Variants in GALNT17 observed in about 807,000 individuals in gnomAD.
The protein encoded by GALNT17 is UDP-GalNAc:polypeptide N-acetylgalactosaminyltransferase-like 3.
GALNT17 carries 29 observed loss-of-function variants against 63.7 expected under a neutral mutation model. The ratio of observed to expected loss-of-function variants is 0.46; its 90% CI spans 0.34 to 0.62. GALNT17 has a LOEUF of 0.62. Among genes scored for constraint, GALNT17 ranks in the 20% least tolerant of loss-of-function variants. The pLI, the probability that GALNT17 is intolerant of heterozygous loss-of-function variation, is 0.01. For synonymous variants in GALNT17, 305 were observed against 318.3 expected (o/e 0.96, Z 0.45); for missense variants, 603 against 799.6 (o/e 0.75, Z 2.97).
intron 2 of GALNT17, among the ~76,000 whole-genome samples, chr7:71,367,258 A>C (rs1334475818): frequency 2.0e-5 from 3 of 152,210 alleles, no homozygotes; most frequent in Non-Finnish European, 2.9e-5. Context: ...TCTTTGTAAA[A>C]CATCAGTAGG....
intron 6 of GALNT17, among the ~76,000 whole-genome samples, chr7:71,598,645 A>C (rs1020870552): frequency 1.3e-5 from 2 of 152,198 alleles, no homozygotes; most frequent in Admixed American, 1.3e-4. Flanking sequence ...ATATTCTAAC[A>C]TGGACTTGAG....
chr7:71,293,330 A>G (rs985294397), intron 1 of GALNT17, among the ~76,000 whole-genome samples: 3 of 152,290 alleles, frequency 2.0e-5, no homozygotes, highest in African/African-American at 7.2e-5. Flanking sequence ...TGCAGTGTAC[A>G]GGGTTTCCCT....
In GALNT17 at chr7:71,489,700, C is replaced by T. The variant is rs181698102; in HGVS notation, c.962+68595C>T. On this transcript the variant is annotated intron_variant, in intron 5 of 10. Coordinates refer to ENST00000333538, the MANE Select transcript of GALNT17 (RefSeq NM_022479.3). ...ACATACAGGGGAGAGAGTCCATTGG[C>T]GGCGGGCTGGGCAGGAAAACTGCAA... 3.9e-5 allele frequency among the ~76,000 whole-genome samples: 6 copies of T among 152,322 alleles called. No homozygotes were observed. The East Asian group carries it at 9.6e-4, about 24-fold the overall frequency.
At chr7:71,297,241 A>G (rs1210199911) in intron 1 of GALNT17, among the ~76,000 whole-genome samples, 1 of 152,020 alleles carries the variant, frequency 6.6e-6, no homozygotes, top group African/African-American at 2.4e-5. Flanking sequence ...AGCTGATCTC[A>G]TACACCAAAA....
chr7:71,631,277 C>T (rs1016366217), intron 6 of GALNT17, among the ~76,000 whole-genome samples: 6 of 151,576 alleles, frequency 4.0e-5, no homozygotes, highest in Admixed American at 6.6e-5. Context: ...ACTGTAGCCT[C>T]AACCTCCTGG....
chr7:71,257,423 A>G (rs1790308569), intron 1 of GALNT17, among the ~76,000 whole-genome samples: 1 of 152,164 alleles, frequency 6.6e-6, no homozygotes, highest in Non-Finnish European at 1.5e-5. Context: ...TCCAAAGATG[A>G]GTGTACTTTC....
At chr7:71,490,824 C>G (rs1471679848) in intron 5 of GALNT17, among the ~76,000 whole-genome samples, 1 of 152,142 alleles carries the variant, frequency 6.6e-6, no homozygotes, top group Admixed American at 6.5e-5. Flanking sequence ...CTCTTGAGCC[C>G]AGGAGTTCGA....
At chr7:71,421,786 C>A (rs1786669182) in intron 5 of GALNT17, among the ~76,000 whole-genome samples, 1 of 152,026 alleles carries the variant, frequency 6.6e-6, no homozygotes, top group South Asian at 2.1e-4. Context: ...CCCTTCTCTA[C>A]TAAAATTTAA....
chr7:71,639,492 C>CT (rs1277086528), intron 6 of GALNT17, among the ~76,000 whole-genome samples: 1 of 152,180 alleles, frequency 6.6e-6, no homozygotes. Flanking sequence ...TCTATTTTGC[C>CT]TTCAGAGGTT....
chr7:71,388,443 A>AG, intron 3 of GALNT17, 42 bp downstream of exon 3: 1 of 1,581,070 alleles, frequency 6.3e-7, no homozygotes, highest in South Asian at 1.1e-5. Context: ...TGATGACAGC[A>AG]GGGGGAAATG....
intron 5 of GALNT17, among the ~76,000 whole-genome samples, chr7:71,535,213 G>A (rs1052260151): frequency 3.9e-5 from 6 of 152,210 alleles, no homozygotes; most frequent in Non-Finnish European, 8.8e-5. Context: ...CCCATTGACC[G>A]TGGTTACTAT....
Position 71,207,871 on chromosome 7 carries a change from A to C in GALNT17, c.238+74831A>C, listed in dbSNP as rs551751585. ...TGTTTTGGGATTTGTCATGGGTACAACATTTAGAGCCACTGATGTATACAA... is the reference window on the plus strand; with the variant it reads ...TGTTTTGGGATTTGTCATGGGTACACCATTTAGAGCCACTGATGTATACAA... On this transcript the variant is annotated intron_variant, in intron 1 of 10. Coordinates refer to ENST00000333538, the MANE Select transcript of GALNT17 (RefSeq NM_022479.3). Among the ~76,000 whole-genome samples, 199 of 152,062 alleles carry C rather than the reference A, an allele frequency of 1.3e-3. 2 individuals carry two copies. Among genetic ancestry groups the C allele is most frequent in the Non-Finnish European group, 1.5e-3 (102 of 67,998 alleles).
chr7:71,539,335 T>C (rs1788850036), intron 5 of GALNT17, among the ~76,000 whole-genome samples: 1 of 152,190 alleles, frequency 6.6e-6, no homozygotes, highest in African/African-American at 2.4e-5. Context: ...TTTTGAATGA[T>C]AAAAATAGAA....
At chr7:71,164,400 C>G (rs974747532) in intron 1 of GALNT17, among the ~76,000 whole-genome samples, 1 of 152,178 alleles carries the variant, frequency 6.6e-6, no homozygotes, top group Non-Finnish European at 1.5e-5. Context: ...AACTCACTCA[C>G]TATCATGAGA....
At chr7:71,282,489 A>T (rs565269819) in intron 1 of GALNT17, among the ~76,000 whole-genome samples, 4 of 152,284 alleles carry the variant, frequency 2.6e-5, no homozygotes, top group Non-Finnish European at 5.9e-5. Flanking sequence ...TGTCAGGCAC[A>T]TAGCAGATGC....
intron 2 of GALNT17, among the ~76,000 whole-genome samples, chr7:71,378,517 G>A (rs527881966): frequency 4.1e-4 from 62 of 152,214 alleles, no homozygotes; most frequent in African/African-American, 1.5e-3. Context: ...GGTTGTGTTC[G>A]GGATGGTATC....
chr7:71,156,359 C>G (rs1161824620), intron 1 of GALNT17, among the ~76,000 whole-genome samples: 2 of 151,756 alleles, frequency 1.3e-5, no homozygotes, highest in Non-Finnish European at 2.9e-5. Flanking sequence ...CCAGATTCCT[C>G]AAGCTGGAGG....
chr7:71,669,812 C>T (rs1006521843), intron 7 of GALNT17, among the ~76,000 whole-genome samples, 160 bp from the exon 8 acceptor site: 1 of 152,120 alleles, frequency 6.6e-6, no homozygotes, highest in Admixed American at 6.5e-5. Flanking sequence ...TCACTCACCT[C>T]TGCCTCCTAA....
chr7:71,710,679 C>A, intron 9 of GALNT17, 82 bp from the exon 10 acceptor site: 1 of 1,510,972 alleles, frequency 6.6e-7, no homozygotes, highest in Non-Finnish European at 9.0e-7. Flanking sequence ...GGAGTAAAGC[C>A]GAGAGACCTG....
Sources: allele counts gnomAD v4.1 joint callset (sites outside exome capture counted in the v4.1 genomes callset), GRCh38; gene constraint gnomAD v4.1.1; transcripts MANE v1.5; gene names NCBI Gene and HGNC (gene_info 2026-07-23, HGNC 2026-07-21).